Variants in SBNO2 observed in about 807,000 individuals in gnomAD.
SBNO2 encodes the protein protein strawberry notch homolog 2.
A neutral mutation model predicts 146.3 loss-of-function variants in SBNO2; 89 were observed. The observed-to-expected ratio is 0.61, with a 90% CI of 0.51 to 0.73. SBNO2 has a LOEUF of 0.73. Ranked by LOEUF, SBNO2 falls within the 30% of genes least tolerant of loss-of-function variation. The probability of loss-of-function intolerance (pLI) is 0.00; values close to 1 mark genes in which losing one functional copy is unlikely to be tolerated. For missense variants in SBNO2, 2,092 were observed against 2,003.7 expected (o/e 1.04, Z -0.84); for synonymous variants, 1,147 against 892.6 (o/e 1.29, Z -5.08).
At chr19:1,171,479 A>G (rs1039532545) in intron 1 of SBNO2, among the ~76,000 whole-genome samples, 2 of 152,100 alleles carry the variant, frequency 1.3e-5, no homozygotes, top group African/African-American at 4.8e-5. Flanking sequence ...CACCGCCTCC[A>G]GGAGTGTTTA....
rs939152314 is a variant in SBNO2 at position 1,158,699 on chromosome 19, C to A, written c.-126-4297G>T. ...AGGCCACCGCACAGTCCCTGGAGGC[C>A]GCATTACCTCAGCCGAGGTTCTCCG... On this transcript the variant is annotated intron_variant, in intron 1 of 31. Coordinates refer to ENST00000361757, the MANE Select transcript of SBNO2 (RefSeq NM_014963.3). This position sits in a 1 kb window ranked among gnomAD's most constrained non-coding sequence, Gnocchi z 9.9. Among the ~76,000 whole-genome samples, 1 of 152,166 alleles carries A rather than the reference C, an allele frequency of 6.6e-6. No homozygotes were observed. Among genetic ancestry groups the A allele is most frequent in the African/African-American group, 2.4e-5 (1 of 41,436 alleles).
chr19:1,166,870 A>G (rs1400816021), intron 1 of SBNO2, among the ~76,000 whole-genome samples: 6 of 152,118 alleles, frequency 3.9e-5, no homozygotes, highest in Non-Finnish European at 1.5e-5. Context: ...GCCTCACATC[A>G]GCGGCCTCAG....
rs1320302957 is a variant in SBNO2 at position 1,119,954 on chromosome 19, G to C, written c.1219C>G (p.Leu407Val). The change falls in exon 12 of 32, where the codon CTG becomes GTG. Residue 407 changes from leucine to valine, a missense_variant. By Grantham distance (32) the Leu-to-Val change is conservative. Coordinates refer to ENST00000361757, the MANE Select transcript of SBNO2 (RefSeq NM_014963.3). The stretch of plus-strand genomic sequence containing the variant: ...CGGGCCAGGGGCAGCTTGTTCTGCA[G>C]GTCTAGCACAGCCTTGCCCATCTTG... The part of the protein sequence containing the change: ...STKMGKAVLD[L>V]QNKLPLARVV... 2.6e-6 allele frequency: 4 copies of C among 1,550,762 alleles called. No homozygotes were observed. The highest frequency in any genetic ancestry group is 3.5e-6 in the Non-Finnish European group (4 of 1,147,232).
At chr19:1,124,924 C>T (rs1003454688) in intron 5 of SBNO2, among the ~76,000 whole-genome samples, 28 of 152,152 alleles carry the variant, frequency 1.8e-4, no homozygotes, top group African/African-American at 6.0e-4. Flanking sequence ...ACTGTCCAGA[C>T]GCCAACACTG....
At chr19:1,159,901 C>T (rs1234460000) in intron 1 of SBNO2, among the ~76,000 whole-genome samples, 1 of 151,938 alleles carries the variant, frequency 6.6e-6, no homozygotes, top group Non-Finnish European at 1.5e-5. Context: ...TCGCCCCCCA[C>T]AGAGCTGGGC....
chr19:1,150,191 G>A lies in SBNO2; in HGVS notation c.94-749C>T, dbSNP rs959503745. 5.9e-5 allele frequency among the ~76,000 whole-genome samples: 9 copies of A among 152,128 alleles called. No individual in the cohort carries two copies. Among genetic ancestry groups the A allele is most frequent in the African/African-American group, 1.9e-4 (8 of 41,410 alleles). On this transcript the variant is annotated intron_variant, in intron 2 of 31. Transcript: ENST00000361757. This position sits in a 1 kb window ranked among gnomAD's most constrained non-coding sequence, Gnocchi z 6.2. Reference sequence around the variant, plus strand: ...GATGTCCCCACCCCATGGTTCTCTGGGAAAACCTCACTATGCCTGCCCTTG... The same window carrying A: ...GATGTCCCCACCCCATGGTTCTCTGAGAAAACCTCACTATGCCTGCCCTTG...
intron 1 of SBNO2, among the ~76,000 whole-genome samples, 170 bp downstream of exon 1, chr19:1,174,002 G>T (rs1013096732): frequency 6.6e-6 from 1 of 150,754 alleles, no homozygotes; most frequent in Admixed American, 6.6e-5. Context: ...GGGGTCGGAA[G>T]GGGTCGCGGC....
Position 1,108,882 on chromosome 19 carries a change from C to T in SBNO2, c.3513G>A (p.Leu1171=), listed in dbSNP as rs751586508. Residue 1171 remains leucine, a synonymous_variant, in exon 31 of 32, where the codon CTG becomes CTA. Transcript: ENST00000361757. The stretch of plus-strand genomic sequence containing the variant: ...CGGCGATGCGGCCCCACACGCGCAG[C>T]AGCGCGCCGCACAGCATGTAGTGGT... ...LRHHYMLCGA[L]LRVWGRIAAV... 5.0e-6 allele frequency: 8 copies of T among 1,589,790 alleles called. No individual in the cohort carries two copies. The highest frequency in any genetic ancestry group is 4.0e-5 in the African/African-American group (3 of 74,612).
intron 4 of SBNO2, among the ~76,000 whole-genome samples, chr19:1,133,699 C>T (rs910247487): frequency 1.3e-5 from 2 of 151,806 alleles, no homozygotes; most frequent in African/African-American, 2.4e-5. Flanking sequence ...CCGCTCAATC[C>T]GGCAGCCAAT....
rs900722793 is a variant in SBNO2, at chr19:1,119,630, G to A, written c.1268-9C>T. 1.3e-6 allele frequency: 2 copies of A among 1,598,962 alleles called. No individual in the cohort carries two copies. The highest frequency in any genetic ancestry group is 1.3e-5 in the African/African-American group (1 of 74,756). ...CCGAGGCTCAGAGGCACCTGTGGGG[G>A]GAAGCTGCCGTCAGCTCCCCAACCC... On this transcript the variant is annotated splice_polypyrimidine_tract_variant and intron_variant, in intron 12 of 31. Transcript: ENST00000361757.
At position 1,123,576 on chromosome 19, in the gene SBNO2, GCTCCTCCGC is replaced by G; in HGVS notation, c.577_585del (p.Ala193_Glu195del). ...TCGGCGTAGGTCTCTGTGTGCCCCA[GCTCCTCCGC>G]CTCCTCCTCCTCAGCCTCGTCCTCC... On this transcript the variant is annotated inframe_deletion, in exon 7 of 32. Coordinates refer to ENST00000361757, the MANE Select transcript of SBNO2 (RefSeq NM_014963.3). 1 of 1,613,578 alleles carries G rather than the reference GCTCCTCCGC, an allele frequency of 6.2e-7. No homozygotes were observed. Among genetic ancestry groups the G allele is most frequent in the Non-Finnish European group, 8.5e-7 (1 of 1,179,802 alleles).
chr19:1,116,489 G>A (rs1301299566), intron 16 of SBNO2, among the ~76,000 whole-genome samples: 1 of 152,132 alleles, frequency 6.6e-6, no homozygotes, highest in African/African-American at 2.4e-5. Flanking sequence ...CAACCAACAG[G>A]GGAGAGGCTG....
In SBNO2 at chr19:1,108,801, G is replaced by C. The variant is rs761715996; in HGVS notation, c.3594C>G (p.Thr1198=). 4.4e-6 allele frequency: 7 copies of C among 1,603,256 alleles called. No homozygotes were observed. The highest frequency in any genetic ancestry group is 5.1e-6 in the Non-Finnish European group (6 of 1,179,030). ...CACCCACTTGCTTCTTCCTGTCCTT[G>C]GTCTTCAGCCGCACGATCTGCAGGT... ...SSYLQIVRLK[T]KDRKKQVGIK... Residue 1198 remains threonine (T), a synonymous_variant, in exon 31 of 32, where the codon ACC becomes ACG. Transcript: ENST00000361757.
chr19:1,109,813 C>T lies in SBNO2; in HGVS notation c.3029-36G>A. ...GGGTGGAGGGTAAGTGGTGTCCAGG[C>T]CTGGGACTGTGGGCTGGGGCCAGGG... is the stretch of plus-strand genomic sequence containing the variant. On this transcript the variant is annotated intron_variant, in intron 26 of 31. Transcript: ENST00000361757. The surrounding 1 kb of genome is among the most constrained non-coding windows in gnomAD (Gnocchi z 4.2). 1 of 1,498,806 alleles carries T rather than the reference C, an allele frequency of 6.7e-7. No individual in the cohort carries two copies. Among genetic ancestry groups the T allele is most frequent in the Non-Finnish European group, 9.1e-7 (1 of 1,097,624 alleles). The allele number at this position is 1,498,806 out of a possible 1,614,324, so 92.8% of individuals were successfully genotyped here.
intron 15 of SBNO2, 44 bp downstream of exon 15, chr19:1,117,279 G>A: frequency 2.6e-6 from 4 of 1,521,868 alleles, no homozygotes; most frequent in Non-Finnish European, 3.5e-6. Context: ...CTCCGCCCCT[G>A]CAGGCCCGGC....
intron 2 of SBNO2, among the ~76,000 whole-genome samples, chr19:1,151,059 C>T (rs1406651758): frequency 6.6e-6 from 1 of 152,288 alleles, no homozygotes; most frequent in Non-Finnish European, 1.5e-5. Context: ...ACAGGGGCTC[C>T]AGAGCCCGGG....
At position 1,117,534 on chromosome 19, in the gene SBNO2, T is replaced by TGGC. The variant is rs768496098; in HGVS notation, c.1528-38_1528-36dup. On this transcript the variant is annotated intron_variant, in intron 14 of 31. Transcript: ENST00000361757. ...CACGTCACAAGGCGCCCCTGAGCTG[T>TGGC]GGCTCCTGGCTCCCGACCCGGGCCC... 2.0e-6 allele frequency: 3 copies of TGGC among 1,524,096 alleles called. No homozygotes were observed. In the Admixed American group the frequency reaches 6.4e-5, roughly 33 times the overall value. The allele number at this position is 1,524,096 out of a possible 1,614,324, so 94.4% of individuals were successfully genotyped here.
At chr19:1,113,237 C>T (rs1462667153) in intron 19 of SBNO2, among the ~76,000 whole-genome samples, 7 of 152,104 alleles carry the variant, frequency 4.6e-5, no homozygotes, top group African/African-American at 1.7e-4. Context: ...TGTGTCCTGG[C>T]CCTGGGCACC....
intron 24 of SBNO2, 25 bp from the exon 25 acceptor site, chr19:1,111,118 C>T (rs1435574285): frequency 1.3e-6 from 2 of 1,539,318 alleles, no homozygotes; most frequent in African/African-American, 1.4e-5. Context: ...GCCTCACATG[C>T]TGGTCTTCCC....
Sources: allele counts gnomAD v4.1 joint callset (sites outside exome capture counted in the v4.1 genomes callset), GRCh38; gene constraint gnomAD v4.1.1; non-coding constraint Gnocchi (gnomAD v3.1); transcripts MANE v1.5; gene names NCBI Gene and HGNC (gene_info 2026-07-23, HGNC 2026-07-21).